The following ZNF503 variants were observed in gnomAD, a reference collection of about 807,000 sequenced individuals.
ZNF503 encodes the protein zinc finger protein 503, also known as NocA-like zinc finger 2.
ZNF503 carries 15 observed loss-of-function variants against 34.4 expected under a neutral mutation model. The ratio of observed to expected loss-of-function variants is 0.44; its 90% CI spans 0.29 to 0.67. ZNF503 has a LOEUF of 0.67. Ranked by LOEUF, ZNF503 falls within the 30% of genes least tolerant of loss-of-function variation. The pLI is 0.13. For synonymous variants in ZNF503, 580 were observed against 456.8 expected (o/e 1.27, Z -3.44); for missense variants, 1,007 against 926.8 (o/e 1.09, Z -1.12).
chr10:75,401,506 A>G lies in ZNF503; in HGVS notation c.-87T>C, dbSNP rs1843822181. The G allele has an allele frequency of 1.4e-6, 2 of 1,447,764 alleles. No homozygotes were observed. The allele number at this position is 1,447,764 out of a possible 1,614,324, so 89.7% of individuals were successfully genotyped here. On this transcript the variant is annotated 5_prime_UTR_variant, in exon 1 of 2. Transcript: ENST00000372524. Reference sequence around the variant, plus strand: ...GGGGCTGCGCGCTCGCCCCGGGAGCAGGAGCAGCGGGAGGAGGAGGAGCTG... The same window carrying G: ...GGGGCTGCGCGCTCGCCCCGGGAGCGGGAGCAGCGGGAGGAGGAGGAGCTG...
chr10:75,355,233 A>T, the ZNF503 span, among the ~76,000 whole-genome samples: 27 of 152,254 alleles, frequency 1.8e-4, no homozygotes, highest in Non-Finnish European at 2.9e-4. Context: ...AGACAAGGAG[A>T]GTTAGGTTTT....
At chr10:75,355,255 C>T in the ZNF503 span, among the ~76,000 whole-genome samples, 1 of 152,136 alleles carries the variant, frequency 6.6e-6, no homozygotes, top group Non-Finnish European at 1.5e-5. Flanking sequence ...ATCTTCCTTC[C>T]CCTCCTTAAA....
the ZNF503 span, among the ~76,000 whole-genome samples, chr10:75,340,004 C>G: frequency 1.7e-4 from 26 of 152,096 alleles, 1 homozygote; most frequent in African/African-American, 6.3e-4. Flanking sequence ...TACTTGAGCC[C>G]AGGAGTTTGA....
chr10:75,325,413 G>A, the ZNF503 span, among the ~76,000 whole-genome samples: 3 of 151,150 alleles, frequency 2.0e-5, no homozygotes, highest in South Asian at 4.2e-4. Flanking sequence ...TTGCAGCCTT[G>A]AACTCTCAAG....
At chr10:75,301,531 A>G in the ZNF503 span, among the ~76,000 whole-genome samples, 4 of 152,120 alleles carry the variant, frequency 2.6e-5, no homozygotes, top group African/African-American at 9.7e-5. Context: ...GTGAGCCACC[A>G]TGCCCGGCCA....
chr10:75,326,875 C>T, the ZNF503 span, among the ~76,000 whole-genome samples: 2 of 151,832 alleles, frequency 1.3e-5, no homozygotes, highest in Admixed American at 1.3e-4. Context: ...AGTAGAGACA[C>T]GATTTCACCA....
the ZNF503 span, among the ~76,000 whole-genome samples, chr10:75,329,830 C>G: frequency 6.6e-6 from 1 of 152,234 alleles, no homozygotes; most frequent in East Asian, 1.9e-4. Flanking sequence ...TTGACTTTCT[C>G]CATTCCAATT....
chr10:75,346,427 A>G, the ZNF503 span, among the ~76,000 whole-genome samples: 1,165 of 135,396 alleles, frequency 8.6e-3, 3 homozygotes, highest in South Asian at 0.015. Context: ...CTCTTTCTCT[A>G]TCTTTTTTCT....
At chr10:75,308,540 G>A in the ZNF503 span, among the ~76,000 whole-genome samples, 3 of 152,228 alleles carry the variant, frequency 2.0e-5, no homozygotes, top group South Asian at 2.1e-4. Flanking sequence ...GATGGATCTG[G>A]GCAAAGTAAG....
chr10:75,394,428 C>T (rs1843675177), downstream of ZNF503, among the ~76,000 whole-genome samples: 1 of 152,336 alleles, frequency 6.6e-6, no homozygotes, highest in South Asian at 2.1e-4. Flanking sequence ...GGTGAGGAAC[C>T]CTAAGCCAAT....
At chr10:75,289,464 G>A in the ZNF503 span, among the ~76,000 whole-genome samples, 1 of 152,172 alleles carries the variant, frequency 6.6e-6, no homozygotes, top group East Asian at 1.9e-4. Context: ...GTTTGTCTCT[G>A]AGACTTCATC....
chr10:75,334,806 G>C, the ZNF503 span, among the ~76,000 whole-genome samples: 1 of 152,194 alleles, frequency 6.6e-6, no homozygotes, highest in Non-Finnish European at 1.5e-5. Flanking sequence ...TCTCTGCTCA[G>C]CTTCTGGATC....
the ZNF503 span, among the ~76,000 whole-genome samples, chr10:75,285,755 TGCTGGAGAGGACCCAAGG>T: frequency 6.6e-6 from 1 of 152,188 alleles, no homozygotes; most frequent in Admixed American, 6.5e-5. Context: ...ACCAGCACAC[TGCTGGAGAGGACCCAAGG>T]GGTCCTTTGG....
At chr10:75,346,004 T>C in the ZNF503 span, among the ~76,000 whole-genome samples, 1 of 152,230 alleles carries the variant, frequency 6.6e-6, no homozygotes, top group Non-Finnish European at 1.5e-5. Context: ...CAGTAACCTC[T>C]TGTGGCAGCT....
At chr10:75,347,129 G>C in the ZNF503 span, among the ~76,000 whole-genome samples, 1,313 of 152,320 alleles carry the variant, frequency 8.6e-3, 26 homozygotes, top group African/African-American at 0.03. Flanking sequence ...AAAATACTTA[G>C]AGCAGGGAAT....
chr10:75,375,731 G>A, the ZNF503 span, among the ~76,000 whole-genome samples: 1 of 152,262 alleles, frequency 6.6e-6, no homozygotes, highest in East Asian at 1.9e-4. Flanking sequence ...TGGCCAGGCT[G>A]GTCTTGAACT....
At chr10:75,362,783 G>A in the ZNF503 span, among the ~76,000 whole-genome samples, 1 of 152,100 alleles carries the variant, frequency 6.6e-6, no homozygotes. Context: ...CCCATCAGAA[G>A]ACATTAGAGT....
chr10:75,399,068 G>T lies in ZNF503; in HGVS notation c.1622C>A (p.Thr541Asn). 1.9e-6 allele frequency: 3 copies of T among 1,613,502 alleles called. No individual in the cohort carries two copies. The highest frequency in any genetic ancestry group is 2.5e-6 in the Non-Finnish European group (3 of 1,179,850). The change falls in exon 2 of 2, where the codon ACC (threonine) becomes AAC (asparagine). Residue 541 changes from threonine (T) to asparagine (N), a missense_variant. Transcript: ENST00000372524. ...TSEELLSHLR[T>N]HTAFPGTDKL... ...GTCTGTCCCGGGAAATGCCGTATGG[G>T]TCCGCAAGTGGCTCAGCAGCTCTTC...
At position 75,399,992 on chromosome 10, in the gene ZNF503, G is replaced by C; in HGVS notation, c.698C>G (p.Ala233Gly). The change falls in exon 2 of 2, where the codon GCC becomes GGC. Residue 233 changes from alanine to glycine, a missense_variant. Coordinates refer to ENST00000372524, the MANE Select transcript of ZNF503 (RefSeq NM_032772.6). ...CATACCTCCCGGCGAGCAGGCCGAG[G>C]CGCTGGAGCTCGGGCTGCCTGTCCT... ...TPRTGSPSSS[A>G]SACSPGGMLS... 1 of 1,605,738 alleles carries C rather than the reference G, an allele frequency of 6.2e-7. No individual in the cohort carries two copies. The highest frequency in any genetic ancestry group is 8.5e-7 in the Non-Finnish European group (1 of 1,179,252).
Sources: allele counts gnomAD v4.1 joint callset (sites outside exome capture counted in the v4.1 genomes callset), GRCh38; gene constraint gnomAD v4.1.1; transcripts MANE v1.5; gene names NCBI Gene and HGNC (gene_info 2026-07-23, HGNC 2026-07-21).